Variants in STX8 observed in about 807,000 individuals in gnomAD.
The protein encoded by STX8 is syntaxin-8.
A neutral mutation model predicts 37.5 loss-of-function variants in STX8; 23 were observed. The observed-to-expected ratio is 0.61, with a 90% CI of 0.44 to 0.87. STX8 has a LOEUF of 0.87. Among genes scored for constraint, STX8 ranks in the 40% least tolerant of loss-of-function variants. STX8 has a pLI of 0.00. For synonymous variants in STX8, 115 were observed against 99.1 expected (o/e 1.16, Z -0.95); for missense variants, 313 against 284.7 (o/e 1.10, Z -0.71).
intron 6 of STX8, among the ~76,000 whole-genome samples, chr17:9,433,946 G>A (rs1904330859): frequency 6.6e-6 from 1 of 152,194 alleles, no homozygotes. Flanking sequence ...GATTGCTGTA[G>A]TCAGTGCAGC....
intron 1 of STX8, among the ~76,000 whole-genome samples, chr17:9,570,205 GT>G (rs531693822): frequency 2.2e-4 from 33 of 150,844 alleles, no homozygotes; most frequent in Admixed American, 3.3e-4. Flanking sequence ...CTTGATAAGT[GT>G]TTTTTTTTAA....
chr17:9,445,516 T>TGGGGGGGA (rs1904810635), intron 6 of STX8, among the ~76,000 whole-genome samples: 1 of 1,890 alleles, frequency 5.3e-4, no homozygotes, highest in Non-Finnish European at 1.1e-3. Context: ...GGGGAGGGGG[T>TGGGGGGGA]TGGGGGGTGG....
intron 7 of STX8, among the ~76,000 whole-genome samples, chr17:9,322,125 C>G (rs999567320): frequency 6.6e-6 from 1 of 152,226 alleles, no homozygotes; most frequent in Admixed American, 6.5e-5. Flanking sequence ...AGACCCCAGC[C>G]AGCAGTACAC....
chr17:9,440,772 G>C (rs188568292), intron 6 of STX8, among the ~76,000 whole-genome samples: 87 of 152,188 alleles, frequency 5.7e-4, no homozygotes, highest in African/African-American at 2.1e-3. Context: ...TGATCCACCC[G>C]CCTCGGCCTC....
At chr17:9,344,463 G>A (rs1910469918) in intron 7 of STX8, among the ~76,000 whole-genome samples, 1 of 152,178 alleles carries the variant, frequency 6.6e-6, no homozygotes, top group Admixed American at 6.5e-5. Flanking sequence ...GTTTCGCCAT[G>A]TTGGTCAGGC....
At chr17:9,539,660 C>T (rs908985701) in intron 4 of STX8, among the ~76,000 whole-genome samples, 1 of 137,368 alleles carries the variant, frequency 7.3e-6, no homozygotes, top group Non-Finnish European at 1.6e-5. Context: ...AGCAACCCAA[C>T]TGACCCCCCC....
intron 1 of STX8, among the ~76,000 whole-genome samples, chr17:9,572,080 AAAG>A (rs1319754201): frequency 6.6e-6 from 1 of 152,234 alleles, no homozygotes; most frequent in African/African-American, 2.4e-5. Context: ...AATTCAACAC[AAAG>A]AAGACCATGC....
At chr17:9,548,101 TTTA>T (rs936589587) in intron 3 of STX8, among the ~76,000 whole-genome samples, 1 of 151,388 alleles carries the variant, frequency 6.6e-6, no homozygotes, top group Non-Finnish European at 1.5e-5. Context: ...ACATTCTTTC[TTTA>T]TTATTATTAT....
At chr17:9,265,622 G>A (rs1435619272) in intron 7 of STX8, among the ~76,000 whole-genome samples, 2 of 152,234 alleles carry the variant, frequency 1.3e-5, no homozygotes, top group African/African-American at 4.8e-5. Flanking sequence ...CCTCACTCCT[G>A]ACGTGGTTGG....
At chr17:9,491,249 C>T (rs1025907558) in intron 6 of STX8, among the ~76,000 whole-genome samples, 6 of 151,904 alleles carry the variant, frequency 3.9e-5, no homozygotes, top group Admixed American at 6.6e-5. Flanking sequence ...CAATCCCGTG[C>T]CCCCGTATTT....
chr17:9,399,974 G>A (rs1470648748), intron 6 of STX8, among the ~76,000 whole-genome samples: 2 of 151,906 alleles, frequency 1.3e-5, no homozygotes, highest in African/African-American at 4.8e-5. Flanking sequence ...TTACTAAAAT[G>A]AACATGGTAG....
At chr17:9,364,699 T>C (rs1911170605) in intron 7 of STX8, among the ~76,000 whole-genome samples, 1 of 151,838 alleles carries the variant, frequency 6.6e-6, no homozygotes, top group South Asian at 2.1e-4. Context: ...CTCAGCTAAT[T>C]TTTTTTGTAT....
intron 7 of STX8, among the ~76,000 whole-genome samples, chr17:9,253,549 G>A (rs996704155): frequency 6.6e-6 from 1 of 152,148 alleles, no homozygotes; most frequent in Non-Finnish European, 1.5e-5. Context: ...GGCAGGCACA[G>A]GCTGGGATGG....
intron 7 of STX8, among the ~76,000 whole-genome samples, chr17:9,328,491 A>T (rs1386462592): frequency 6.6e-6 from 1 of 152,166 alleles, no homozygotes; most frequent in African/African-American, 2.4e-5. Context: ...GAACGTGGGA[A>T]TCCTTTATGA....
At chr17:9,254,963 A>T (rs1009949174) in intron 7 of STX8, among the ~76,000 whole-genome samples, 1 of 152,238 alleles carries the variant, frequency 6.6e-6, no homozygotes, top group Non-Finnish European at 1.5e-5. Flanking sequence ...GGAGAAGCTG[A>T]GAAAATGTGG....
At chr17:9,361,033 T>C (rs1911044693) in intron 7 of STX8, among the ~76,000 whole-genome samples, 1 of 152,160 alleles carries the variant, frequency 6.6e-6, no homozygotes, top group African/African-American at 2.4e-5. Context: ...TCAACAGTGA[T>C]TTAAAAATGA....
chr17:9,492,854 G>A (rs1328171200), intron 5 of STX8, among the ~76,000 whole-genome samples: 1 of 152,198 alleles, frequency 6.6e-6, no homozygotes, highest in Non-Finnish European at 1.5e-5. Flanking sequence ...CCAGCACTTT[G>A]AGAGGCCAAG....
intron 6 of STX8, among the ~76,000 whole-genome samples, chr17:9,481,119 G>A (rs1035569898): frequency 2.0e-5 from 3 of 152,104 alleles, no homozygotes; most frequent in Non-Finnish European, 2.9e-5. Flanking sequence ...TCCTGACCTC[G>A]TGATCCATCT....
chr17:9,416,968 C>T (rs543253271), intron 6 of STX8, among the ~76,000 whole-genome samples: 1 of 152,276 alleles, frequency 6.6e-6, no homozygotes, highest in Admixed American at 6.5e-5. Context: ...ACTGCCTTGA[C>T]CCAGACCTGT....
Sources: gnomAD v4.1 joint callset for allele counts (sites outside exome capture counted in the v4.1 genomes callset) on GRCh38, gnomAD v4.1.1 for gene constraint, MANE v1.5 for transcripts, NCBI Gene and HGNC (gene_info 2026-07-23, HGNC 2026-07-21) for gene names.